Variants in PDE7B observed in about 807,000 individuals in gnomAD.
The protein encoded by PDE7B is 3',5'-cyclic-AMP phosphodiesterase 7B.
In PDE7B, 29 loss-of-function variants were observed where a neutral mutation model predicts 56.2. The observed-to-expected ratio is 0.52, with a 90% CI of 0.38 to 0.70. PDE7B has a LOEUF of 0.70. Among genes scored for constraint, PDE7B ranks in the 30% least tolerant of loss-of-function variants. The pLI, the probability that PDE7B is intolerant of heterozygous loss-of-function variation, is 0.00. For missense variants in PDE7B, 490 were observed against 565.0 expected, an observed-to-expected ratio of 0.87 and a Z score of 1.35; for synonymous variants, 197 against 196.9, an observed-to-expected ratio of 1.00 and a Z score of 0.00.
chr6:136,106,846 A>G (rs1199950643), intron 2 of PDE7B, among the ~76,000 whole-genome samples: 1 of 152,194 alleles, frequency 6.6e-6, no homozygotes, highest in East Asian at 1.9e-4. Flanking sequence ...CCCATATTAA[A>G]GTACATAAGT....
At chr6:135,904,019 T>C (rs1487149840) in intron 1 of PDE7B, among the ~76,000 whole-genome samples, 1 of 152,234 alleles carries the variant, frequency 6.6e-6, no homozygotes, top group Non-Finnish European at 1.5e-5. Flanking sequence ...TAAAAAATAT[T>C]ACCAACTAAG....
chr6:135,873,830 G>A (rs1775437572), intron 1 of PDE7B, among the ~76,000 whole-genome samples: 1 of 152,024 alleles, frequency 6.6e-6, no homozygotes, highest in Non-Finnish European at 1.5e-5. Context: ...GAAATAATAT[G>A]ACAGACATCC....
intron 9 of PDE7B, among the ~76,000 whole-genome samples, chr6:136,174,857 A>G (rs751750921): frequency 6.6e-6 from 1 of 152,198 alleles, no homozygotes; most frequent in Non-Finnish European, 1.5e-5. Flanking sequence ...CGTGCATGGA[A>G]TAAAAACTTA....
intron 2 of PDE7B, among the ~76,000 whole-genome samples, chr6:136,000,187 C>A (rs1311108344): frequency 6.6e-6 from 1 of 152,156 alleles, no homozygotes; most frequent in Admixed American, 6.5e-5. Flanking sequence ...AGTTTTCTCC[C>A]ATTCTGTAGG....
chr6:136,126,809 G>C (rs900685430), intron 3 of PDE7B, among the ~76,000 whole-genome samples: 1 of 152,130 alleles, frequency 6.6e-6, no homozygotes, highest in Non-Finnish European at 1.5e-5. Context: ...GGGAAAGGAT[G>C]GGAAGAGGTT....
chr6:135,920,692 A>G (rs913741230), intron 1 of PDE7B, among the ~76,000 whole-genome samples: 8 of 152,186 alleles, frequency 5.3e-5, no homozygotes, highest in Admixed American at 1.3e-4. Flanking sequence ...GTTCTCTTGG[A>G]ATCTTTTTAA....
chr6:135,937,903 C>G (rs1177210368), intron 1 of PDE7B, among the ~76,000 whole-genome samples: 1 of 152,198 alleles, frequency 6.6e-6, no homozygotes, highest in African/African-American at 2.4e-5. Flanking sequence ...ACACTACCAC[C>G]AAATGACCCT....
intron 2 of PDE7B, among the ~76,000 whole-genome samples, chr6:136,011,161 AAAAAC>A (rs756137268): frequency 7.9e-5 from 12 of 152,300 alleles, no homozygotes; most frequent in East Asian, 7.7e-4. Context: ...TCCCCATCAA[AAAAAC>A]AAAACAAAAC....
chr6:135,902,998 G>A (rs1421897552), intron 1 of PDE7B, among the ~76,000 whole-genome samples: 1 of 152,066 alleles, frequency 6.6e-6, no homozygotes, highest in Admixed American at 6.6e-5. Context: ...TTCCAAACCA[G>A]GCAGTCTGGT....
chr6:136,004,674 C>T (rs1320334887), intron 2 of PDE7B, among the ~76,000 whole-genome samples: 1 of 151,958 alleles, frequency 6.6e-6, no homozygotes, highest in Non-Finnish European at 1.5e-5. Context: ...TCAAGGAGAA[C>T]TACAAACCAC....
chr6:136,135,710 T>A (rs1195882760), intron 3 of PDE7B, among the ~76,000 whole-genome samples: 1 of 152,138 alleles, frequency 6.6e-6, no homozygotes, highest in Non-Finnish European at 1.5e-5. Context: ...AGCTATTTTA[T>A]GAATAAATGA....
intron 1 of PDE7B, among the ~76,000 whole-genome samples, chr6:135,911,221 G>T (rs904811182): frequency 1.3e-5 from 2 of 152,164 alleles, no homozygotes; most frequent in Admixed American, 6.5e-5. Context: ...ATTAGCTGTG[G>T]CAGGAAAATT....
chr6:136,159,245 A>C (rs891576938), intron 8 of PDE7B, among the ~76,000 whole-genome samples: 2 of 152,124 alleles, frequency 1.3e-5, no homozygotes, highest in Non-Finnish European at 2.9e-5. Flanking sequence ...CTATGACCCC[A>C]CCCCGTCCTC....
intron 3 of PDE7B, among the ~76,000 whole-genome samples, chr6:136,125,727 C>T (rs143484832): frequency 2.1e-3 from 317 of 152,096 alleles, no homozygotes; most frequent in South Asian, 3.7e-3. Context: ...AAACTCTGAC[C>T]TTAGTTTCTA....
intron 2 of PDE7B, among the ~76,000 whole-genome samples, chr6:135,984,273 T>C (rs1170800167): frequency 1.3e-5 from 2 of 152,178 alleles, no homozygotes; most frequent in Admixed American, 6.6e-5. Context: ...AAGTAAATCA[T>C]AGTCTCCCAA....
intron 1 of PDE7B, among the ~76,000 whole-genome samples, chr6:135,922,689 T>C (rs936729588): frequency 1.3e-5 from 2 of 152,122 alleles, no homozygotes; most frequent in African/African-American, 4.8e-5. Flanking sequence ...TATGAAACAA[T>C]GAATGCAAAA....
At chr6:135,912,932 G>C (rs1045009850) in intron 1 of PDE7B, among the ~76,000 whole-genome samples, 1 of 152,076 alleles carries the variant, frequency 6.6e-6, no homozygotes, top group South Asian at 2.1e-4. Context: ...TGTCTGCCCT[G>C]GGCTGGGGTT....
rs372681277 is a variant in PDE7B, at chr6:136,016,687, C to A, written c.82+69163C>A. ...CTGCTGCAGCATGCCACACCTCTCC[C>A]TAAGTATGGGGTGGGCAGGCCTCGG... On this transcript the variant is annotated intron_variant, in intron 2 of 12. Coordinates refer to ENST00000308191, the MANE Select transcript of PDE7B (RefSeq NM_018945.4). 9.2e-5 allele frequency among the ~76,000 whole-genome samples: 14 copies of A among 152,200 alleles called. 1 individual carries two copies. The highest frequency in any genetic ancestry group is 5.2e-4 in the Admixed American group (8 of 15,290).
intron 3 of PDE7B, among the ~76,000 whole-genome samples, chr6:136,136,503 A>T (rs1778213366): frequency 1.3e-5 from 2 of 152,214 alleles, no homozygotes; most frequent in Middle Eastern, 3.4e-3. Flanking sequence ...AAACAAGCAA[A>T]GGACAAAGAG....
Sources: gnomAD v4.1 joint callset for allele counts (sites outside exome capture counted in the v4.1 genomes callset) on GRCh38, gnomAD v4.1.1 for gene constraint, MANE v1.5 for transcripts, NCBI Gene and HGNC (gene_info 2026-07-23, HGNC 2026-07-21) for gene names.